The following SLC4A10 variants were observed in gnomAD, a reference collection of about 807,000 sequenced individuals.
The protein encoded by SLC4A10 is solute carrier family 4 member 10, also known as sodium-driven chloride bicarbonate exchanger.
In SLC4A10, 42 loss-of-function variants were observed where a neutral mutation model predicts 137.7. The ratio of observed to expected loss-of-function variants is 0.30; its 90% CI spans 0.24 to 0.39. The LOEUF is 0.39. Ranked by LOEUF, SLC4A10 falls within the 10% of genes least tolerant of loss-of-function variation. The probability of loss-of-function intolerance (pLI) is 1.00; values close to 1 mark genes in which losing one functional copy is unlikely to be tolerated. For missense variants in SLC4A10, 925 were observed against 1,355.0 expected (o/e 0.68, Z 4.98); for synonymous variants, 474 against 464.1 (o/e 1.02, Z -0.27).
chr2:161,881,782 G>T (rs1400745059), intron 9 of SLC4A10, among the ~76,000 whole-genome samples: 1 of 151,952 alleles, frequency 6.6e-6, no homozygotes. Context: ...TTATAGTGCA[G>T]ATGCTATTTT....
chr2:161,964,184 A>G lies in SLC4A10; in HGVS notation c.2912A>G (p.Asp971Gly), dbSNP rs990035795. The change falls in exon 22 of 27, where the codon GAT (aspartate) becomes GGT (glycine). Residue 971 changes from aspartate to glycine, a missense_variant. Physicochemically the swap from Asp to Gly is moderately conservative, Grantham distance 94. Transcript: ENST00000446997. The stretch of plus-strand genomic sequence containing the variant: ...TGGATGCCGGCAAAACATCAACCAG[A>G]TTTTATATACCTAAGGCACGTACCG... The part of the protein sequence containing the change: ...LFWMPAKHQP[D>G]FIYLRHVPLR... The G allele has an allele frequency of 6.2e-7, 1 of 1,612,776 alleles. No homozygotes were observed. The highest frequency in any genetic ancestry group is 8.5e-7 in the Non-Finnish European group (1 of 1,179,334).
intron 6 of SLC4A10, among the ~76,000 whole-genome samples, chr2:161,865,515 A>G (rs2060687086): frequency 6.6e-6 from 1 of 152,090 alleles, no homozygotes; most frequent in African/African-American, 2.4e-5. Flanking sequence ...TAAGATTCAT[A>G]TACCCAATTA....
chr2:161,828,118 T>G (rs1158043179), intron 3 of SLC4A10, among the ~76,000 whole-genome samples: 1 of 152,196 alleles, frequency 6.6e-6, no homozygotes, highest in South Asian at 2.1e-4. Context: ...CAACCAAGTT[T>G]CCCTTTAATG....
chr2:161,796,724 A>G (rs2054812718), intron 2 of SLC4A10, among the ~76,000 whole-genome samples: 1 of 152,164 alleles, frequency 6.6e-6, no homozygotes, highest in African/African-American at 2.4e-5. Context: ...GATTTCAGAT[A>G]TTTTAATTGT....
chr2:161,920,126 C>T (rs962505869), intron 15 of SLC4A10, among the ~76,000 whole-genome samples: 1 of 152,220 alleles, frequency 6.6e-6, no homozygotes, highest in Non-Finnish European at 1.5e-5. Flanking sequence ...ACCTCTGTGC[C>T]TTTGGCAGGC....
intron 2 of SLC4A10, among the ~76,000 whole-genome samples, chr2:161,802,691 A>C (rs1466314933): frequency 6.6e-6 from 1 of 152,122 alleles, no homozygotes; most frequent in Non-Finnish European, 1.5e-5. Flanking sequence ...AGGCTGGGAC[A>C]CCTAAGATCA....
intron 15 of SLC4A10, among the ~76,000 whole-genome samples, chr2:161,933,179 CTTCTTTTCT>C (rs1690764535): frequency 8.4e-6 from 1 of 118,632 alleles, no homozygotes; most frequent in Non-Finnish European, 1.8e-5. Flanking sequence ...TTTCCCCTTC[CTTCTTTTCT>C]TTCTTTCTTT....
chr2:161,801,026 A>G lies in SLC4A10; in HGVS notation c.131-3423A>G, dbSNP rs2055315677. Among the ~76,000 whole-genome samples the G allele has an allele frequency of 2.0e-5, 3 of 152,196 alleles. No homozygotes were observed. The South Asian group carries it at 6.2e-4, about 32-fold the overall frequency. ...CTAGGAAAGTAAAGGGAACACTTAG[A>G]AAATTGATTTTTGGCTCACTGGAAG... On this transcript the variant is annotated intron_variant, in intron 2 of 26. Transcript: ENST00000446997.
At chr2:161,752,788 G>T (rs984904858) in intron 1 of SLC4A10, among the ~76,000 whole-genome samples, 1 of 152,048 alleles carries the variant, frequency 6.6e-6, no homozygotes, top group African/African-American at 2.4e-5. Context: ...GCAGAGAGTA[G>T]ACTGGTGGTT....
At chr2:161,965,899 A>G (rs530255436) in intron 23 of SLC4A10, among the ~76,000 whole-genome samples, 11 of 152,314 alleles carry the variant, frequency 7.2e-5, no homozygotes, top group Non-Finnish European at 1.5e-4. Flanking sequence ...GGGAAAAATA[A>G]CTAGCGTAAC....
chr2:161,832,730 GTTGTTTTGTT>G (rs376475995), intron 3 of SLC4A10, among the ~76,000 whole-genome samples: 2 of 147,524 alleles, frequency 1.4e-5, no homozygotes, highest in African/African-American at 2.4e-5. Context: ...TTTTGTTGTT[GTTGTTTTGTT>G]TTGTTTTGTT....
At chr2:161,932,659 G>A (rs749898169) in intron 15 of SLC4A10, among the ~76,000 whole-genome samples, 1 of 152,124 alleles carries the variant, frequency 6.6e-6, no homozygotes, top group Non-Finnish European at 1.5e-5. Flanking sequence ...CATCTGTGGT[G>A]GTTCTGGAAC....
At chr2:161,747,370 C>T (rs964721932) in intron 1 of SLC4A10, among the ~76,000 whole-genome samples, 1 of 152,132 alleles carries the variant, frequency 6.6e-6, no homozygotes, top group African/African-American at 2.4e-5. Context: ...GTCCCACAAT[C>T]ACTTTTCCTC....
In SLC4A10 at chr2:161,781,721, C is replaced by T. The variant is rs903312049; in HGVS notation, c.130+10667C>T. ...ACCAAAGTGTGGAGTAGGAAACCTT[C>T]GTCCCCACCACAAACACACCAATTC... On this transcript the variant is annotated intron_variant, in intron 2 of 26. Coordinates refer to ENST00000446997, the MANE Select transcript of SLC4A10 (RefSeq NM_001178015.2). Among the ~76,000 whole-genome samples, 27 of 152,068 alleles carry T rather than the reference C, an allele frequency of 1.8e-4. No individual in the cohort carries two copies. In the East Asian group the frequency reaches 1.9e-3, roughly 11 times the overall value.
Position 161,830,715 on chromosome 2 carries a change from A to G in SLC4A10, c.278-9074A>G, listed in dbSNP as rs998776239. Among the ~76,000 whole-genome samples the G allele has an allele frequency of 2.6e-5, 4 of 152,328 alleles. No homozygotes were observed. The South Asian group carries it at 8.3e-4, about 32-fold the overall frequency. Reference sequence around the variant, plus strand: ...TTGGCTTCATCTTTTAAATAAATTAATATTTGTTAAACCTTTGATATTTAC... The same window carrying G: ...TTGGCTTCATCTTTTAAATAAATTAGTATTTGTTAAACCTTTGATATTTAC... On this transcript the variant is annotated intron_variant, in intron 3 of 26. Transcript: ENST00000446997.
chr2:161,886,796 GA>G (rs1002151606), intron 10 of SLC4A10, among the ~76,000 whole-genome samples: 4 of 151,600 alleles, frequency 2.6e-5, no homozygotes, highest in African/African-American at 9.7e-5. Flanking sequence ...TTTTTTGTTT[GA>G]TTTTTTTTGT....
intron 4 of SLC4A10, among the ~76,000 whole-genome samples, chr2:161,843,202 TGTA>T: frequency 6.6e-6 from 1 of 152,248 alleles, no homozygotes; most frequent in African/African-American, 2.4e-5. Context: ...AATAATTTCT[TGTA>T]ACTTGCCCAC....
chr2:161,900,981 A>T lies in SLC4A10; in HGVS notation c.1412A>T (p.His471Leu). ...AHGEAEPHGG[H>L]SGPELQRTGR... ...GGGGAAGCAGAGCCCCACGGAGGAC[A>T]TAGTGGACCTGAACTCCAGCGAACT... Residue 471 changes from histidine (H) to leucine (L), a missense_variant, in exon 12 of 27, where the codon CAT becomes CTT. Physicochemically the swap from His to Leu is moderately conservative, Grantham distance 99 (BLOSUM62 -3). Coordinates refer to ENST00000446997, the MANE Select transcript of SLC4A10 (RefSeq NM_001178015.2). 6.4e-7 allele frequency: 1 copy of T among 1,568,152 alleles called. No individual in the cohort carries two copies. The highest frequency in any genetic ancestry group is 8.7e-7 in the Non-Finnish European group (1 of 1,155,804).
chr2:161,826,902 A>G (rs1575152016), intron 3 of SLC4A10, among the ~76,000 whole-genome samples: 1 of 152,276 alleles, frequency 6.6e-6, no homozygotes, highest in East Asian at 1.9e-4. Context: ...ACCACCCTAC[A>G]ACATCCAACA....
Sources: allele counts gnomAD v4.1 joint callset (sites outside exome capture counted in the v4.1 genomes callset), GRCh38; gene constraint gnomAD v4.1.1; transcripts MANE v1.5; gene names NCBI Gene and HGNC (gene_info 2026-07-23, HGNC 2026-07-21).